Variants in PDE4D observed in about 807,000 individuals in gnomAD.
The protein encoded by PDE4D is phosphodiesterase 4D, also known as 3',5'-cyclic-AMP phosphodiesterase 4D.
Under a neutral mutation model 87.4 loss-of-function variants are expected in PDE4D, and 24 were observed. The observed-to-expected ratio is 0.27, with a 90% CI of 0.20 to 0.39. The LOEUF is 0.39. PDE4D is among the 10% of genes least tolerant of loss of function. The pLI, the probability that PDE4D is intolerant of heterozygous loss-of-function variation, is 1.00. For missense variants in PDE4D, 714 were observed against 1,041.0 expected, an observed-to-expected ratio of 0.69 and a Z score of 4.32; for synonymous variants, 384 against 383.2, an observed-to-expected ratio of 1.00 and a Z score of -0.02.
chr5:58,990,688 G>A (rs779110473), intron 9 of PDE4D, 116 bp downstream of exon 9: 2 of 614,768 alleles, frequency 3.3e-6, no homozygotes, highest in Non-Finnish European at 5.7e-6. Context: ...AAGGATAAAA[G>A]TATAAAAATA....
chr5:58,996,068 C>T (rs1749145001), intron 6 of PDE4D, among the ~76,000 whole-genome samples: 1 of 152,098 alleles, frequency 6.6e-6, no homozygotes, highest in African/African-American at 2.4e-5. Context: ...TGTTCTCACT[C>T]ATAAGTGGGA....
At chr5:60,104,264 C>G (rs1172170083) in intron 2 of PDE4D, among the ~76,000 whole-genome samples, 1 of 152,218 alleles carries the variant, frequency 6.6e-6, no homozygotes, top group East Asian at 1.9e-4. Context: ...ATTGCTAGCA[C>G]AGCAGTCTGA....
intron 1 of PDE4D, among the ~76,000 whole-genome samples, chr5:59,773,873 A>G (rs954765782): frequency 1.3e-5 from 2 of 152,198 alleles, no homozygotes; most frequent in Admixed American, 6.5e-5. Flanking sequence ...TAAAATATCT[A>G]CTTTAGAAGG....
At chr5:59,934,352 T>C (rs1529842) in intron 3 of PDE4D, among the ~76,000 whole-genome samples, 133,548 of 152,266 alleles carry the variant, frequency 0.88, 58,741 homozygotes, top group East Asian at 0.98. Flanking sequence ...AGAGGAAGTA[T>C]CTGGAGGTGA....
chr5:59,629,044 T>C (rs298043), intron 1 of PDE4D, among the ~76,000 whole-genome samples: 119,396 of 152,072 alleles, frequency 0.79, 46,936 homozygotes, highest in South Asian at 0.91. Flanking sequence ...CTCACTATCA[T>C]GAGAACAGCA....
At chr5:60,242,811 C>T (rs927636721) in intron 1 of PDE4D, among the ~76,000 whole-genome samples, 2 of 151,694 alleles carry the variant, frequency 1.3e-5, no homozygotes, top group South Asian at 2.1e-4. Context: ...CATACCAAAA[C>T]CTATGGGATA....
At chr5:60,078,314 A>G (rs1282500913) in intron 2 of PDE4D, among the ~76,000 whole-genome samples, 1 of 152,142 alleles carries the variant, frequency 6.6e-6, no homozygotes, top group Non-Finnish European at 1.5e-5. Flanking sequence ...GGTATTTATC[A>G]CTATGAAATT....
chr5:59,076,394 T>C (rs1042183566), intron 5 of PDE4D, among the ~76,000 whole-genome samples: 12 of 152,118 alleles, frequency 7.9e-5, no homozygotes, highest in African/African-American at 2.9e-4. Flanking sequence ...AATATTGCTA[T>C]ATAATCACAG....
chr5:59,374,823 A>C (rs1784456698), intron 1 of PDE4D, among the ~76,000 whole-genome samples: 2 of 152,190 alleles, frequency 1.3e-5, no homozygotes, highest in Admixed American at 1.3e-4. Flanking sequence ...ATAATGAACA[A>C]TCTCTCAGAC....
At chr5:59,755,216 C>T (rs1008406438) in intron 1 of PDE4D, among the ~76,000 whole-genome samples, 1 of 152,070 alleles carries the variant, frequency 6.6e-6, no homozygotes, top group Non-Finnish European at 1.5e-5. Flanking sequence ...TTGCTAAATG[C>T]CATTTTAAAC....
At position 59,275,791 on chromosome 5, in the gene PDE4D, A is replaced by G. The variant is rs16889518; in HGVS notation, c.456-59823T>C. The G allele has an allele frequency of 0.24, 235,378 of 989,622 alleles. 28,628 individuals carry two copies. Among genetic ancestry groups the G allele is most frequent in the Admixed American group, 0.36 (5,880 of 16,412 alleles). The allele number at this position is 989,622 out of a possible 1,614,324, so 61.3% of individuals were successfully genotyped here. ...AGTAACAGCTTTAAAGGTTTCTGAC[A>G]CTCGAAGAGCGCAGGTAGAGAGAGA... On this transcript the variant is annotated intron_variant, in intron 1 of 14. Coordinates refer to ENST00000340635, the MANE Select transcript of PDE4D (RefSeq NM_001104631.2).
At chr5:60,115,774 A>G (rs536878548) in intron 2 of PDE4D, among the ~76,000 whole-genome samples, 3 of 152,138 alleles carry the variant, frequency 2.0e-5, no homozygotes, top group Non-Finnish European at 4.4e-5. Context: ...ATTCCATTGT[A>G]TTATAATACC....
chr5:59,121,375 A>T (rs1235172270), intron 5 of PDE4D, among the ~76,000 whole-genome samples: 1 of 152,162 alleles, frequency 6.6e-6, no homozygotes, highest in African/African-American at 2.4e-5. Context: ...ACACAATCCC[A>T]TTAAAAGTGG....
chr5:59,355,007 C>T (rs568496955), intron 1 of PDE4D, among the ~76,000 whole-genome samples: 1 of 152,210 alleles, frequency 6.6e-6, no homozygotes, highest in South Asian at 2.1e-4. Context: ...CTCAAGCTTC[C>T]GAAGGAAACT....
chr5:60,447,016 C>T (rs1745696585), intron 1 of PDE4D, among the ~76,000 whole-genome samples: 1 of 152,064 alleles, frequency 6.6e-6, no homozygotes, highest in Admixed American at 6.6e-5. Flanking sequence ...GAAGGAAAAC[C>T]CTACCTCAGA....
chr5:60,479,817 C>A (rs1383861693), intron 1 of PDE4D, among the ~76,000 whole-genome samples: 1 of 152,172 alleles, frequency 6.6e-6, no homozygotes, highest in Non-Finnish European at 1.5e-5. Context: ...AAACATAACC[C>A]TCACCCAGAA....
chr5:59,979,421 G>GGTGTGTATGTGTGTGT (rs1554127173), intron 3 of PDE4D, among the ~76,000 whole-genome samples: 7 of 147,630 alleles, frequency 4.7e-5, no homozygotes, highest in Admixed American at 2.7e-4. Flanking sequence ...CACAGCAAGG[G>GGTGTGTATGTGTGTGT]GTGTGTGTGT....
intron 1 of PDE4D, among the ~76,000 whole-genome samples, chr5:59,683,337 T>G (rs2150371243): frequency 6.6e-6 from 1 of 152,312 alleles, no homozygotes; most frequent in South Asian, 2.1e-4. Flanking sequence ...TGGGAATTCC[T>G]TGTGCTATTC....
At chr5:59,455,077 A>G (rs1799713791) in intron 1 of PDE4D, among the ~76,000 whole-genome samples, 1 of 152,218 alleles carries the variant, frequency 6.6e-6, no homozygotes, top group African/African-American at 2.4e-5. Context: ...AATGCGATAG[A>G]AAAGAAAATC....
Sources: gnomAD v4.1 joint callset for allele counts (sites outside exome capture counted in the v4.1 genomes callset) on GRCh38, gnomAD v4.1.1 for gene constraint, MANE v1.5 for transcripts, NCBI Gene and HGNC (gene_info 2026-07-23, HGNC 2026-07-21) for gene names.